The following FOXP1 variants were observed in gnomAD, a reference collection of about 807,000 sequenced individuals.
FOXP1 encodes the protein forkhead box P1, also known as forkhead box protein P1.
FOXP1 carries 15 observed loss-of-function variants against 98.2 expected under a neutral mutation model. The observed-to-expected ratio is 0.15, with a 90% CI of 0.10 to 0.24. FOXP1 has a LOEUF of 0.24. Among genes scored for constraint, FOXP1 ranks in the 10% least tolerant of loss-of-function variants. The probability of loss-of-function intolerance (pLI) is 1.00; values close to 1 mark genes in which losing one functional copy is unlikely to be tolerated. For missense variants in FOXP1, 633 were observed against 848.5 expected, an observed-to-expected ratio of 0.75 and a Z score of 3.15; for synonymous variants, 371 against 314.5, an observed-to-expected ratio of 1.18 and a Z score of -1.90.
intron 5 of FOXP1, among the ~76,000 whole-genome samples, chr3:71,291,495 G>A (rs557851635): frequency 6.6e-6 from 1 of 152,134 alleles, no homozygotes. Context: ...ACACTGGACA[G>A]GGGAGGTCAA....
intron 2 of FOXP1, among the ~76,000 whole-genome samples, chr3:71,567,431 A>C (rs545731564): frequency 6.6e-6 from 1 of 152,188 alleles, no homozygotes; most frequent in African/African-American, 2.4e-5. Context: ...TAATCAGTGC[A>C]TATTAAAGGA....
chr3:71,540,315 T>G (rs2044692992), intron 2 of FOXP1, among the ~76,000 whole-genome samples: 2 of 152,156 alleles, frequency 1.3e-5, no homozygotes, highest in African/African-American at 4.8e-5. Flanking sequence ...CAGACAATGA[T>G]GTAAACAACG....
intron 2 of FOXP1, among the ~76,000 whole-genome samples, chr3:71,506,615 C>T (rs2041843646): frequency 6.6e-6 from 1 of 152,168 alleles, no homozygotes; most frequent in African/African-American, 2.4e-5. Flanking sequence ...TCCAGATTTC[C>T]ACCTCCATTT....
intron 2 of FOXP1, among the ~76,000 whole-genome samples, chr3:71,504,638 C>T (rs1349493142): frequency 6.6e-6 from 1 of 152,052 alleles, no homozygotes; most frequent in Non-Finnish European, 1.5e-5. Flanking sequence ...AGGAAACGTG[C>T]ACATTCCAGG....
At chr3:71,486,673 C>T (rs1477945431) in intron 3 of FOXP1, among the ~76,000 whole-genome samples, 1 of 152,196 alleles carries the variant, frequency 6.6e-6, no homozygotes, top group Non-Finnish European at 1.5e-5. Context: ...TAATTGCTTA[C>T]TTTTCTTGAA....
chr3:71,052,692 C>T (rs942882310), intron 8 of FOXP1, 66 bp from the exon 9 acceptor site: 1 of 850,624 alleles, frequency 1.2e-6, no homozygotes, highest in Non-Finnish European at 2.1e-6. Flanking sequence ...CTTTTGGTGC[C>T]ATACACAAAC....
At chr3:71,341,262 C>T (rs1328613800) in intron 4 of FOXP1, among the ~76,000 whole-genome samples, 1 of 152,008 alleles carries the variant, frequency 6.6e-6, no homozygotes, top group African/African-American at 2.4e-5. Flanking sequence ...GTATGTTATC[C>T]AATTACAAAG....
Position 71,389,254 on chromosome 3 carries a change from C to CGGGGGGGGGGGG in FOXP1, c.-167-30011_-167-30010insCCCCCCCCCCCC, listed in dbSNP as rs1560413261. ...TGTAAGCGGCGGGGGGGGGGGGGGC[C>CGGGGGGGGGGGG]GGGGGGGGCGGGTTATAAATTTCAC... On this transcript the variant is annotated intron_variant, in intron 3 of 20. Coordinates refer to ENST00000649528, the MANE Select transcript of FOXP1 (RefSeq NM_001349338.3). Among the ~76,000 whole-genome samples, 4 of 6,062 alleles carry CGGGGGGGGGGGG rather than the reference C, an allele frequency of 6.6e-4. 2 individuals are homozygous for CGGGGGGGGGGGG. Among genetic ancestry groups the CGGGGGGGGGGGG allele is most frequent in the African/African-American group, 1.0e-3 (2 of 1,938 alleles). 4.0% of individuals were successfully genotyped at this position (6,062 alleles called of 152,430 possible).
At chr3:70,973,312 T>A (rs1267089786) in intron 17 of FOXP1, among the ~76,000 whole-genome samples, 3 of 132,900 alleles carry the variant, frequency 2.3e-5, no homozygotes, top group African/African-American at 8.7e-5. Flanking sequence ...AATATGAGAG[T>A]TGGCCCTAAC....
intron 6 of FOXP1, among the ~76,000 whole-genome samples, chr3:71,191,532 T>G (rs766984844): frequency 3.4e-4 from 52 of 152,224 alleles, no homozygotes; most frequent in Non-Finnish European, 6.2e-4. Flanking sequence ...TTGCTTCTTG[T>G]GCCATTTTAA....
At position 71,437,914 on chromosome 3, in the gene FOXP1, T is replaced by C. The variant is rs59099984; in HGVS notation, c.-168+55512A>G. ...GGTTCCAGGAGGTGAAGAAAAGCTG[T>C]GTACACGAAATTGAGTCAAAGAGAG... On this transcript the variant is annotated intron_variant, in intron 3 of 20. Coordinates refer to ENST00000649528, the MANE Select transcript of FOXP1 (RefSeq NM_001349338.3). Among the ~76,000 whole-genome samples, 1,040 of 152,258 alleles carry C rather than the reference T, an allele frequency of 6.8e-3. 15 individuals are homozygous for C. Among genetic ancestry groups the C allele is most frequent in the African/African-American group, 0.024 (983 of 41,530 alleles).
intron 11 of FOXP1, among the ~76,000 whole-genome samples, chr3:71,017,441 A>G (rs2092294347): frequency 6.6e-6 from 1 of 151,880 alleles, no homozygotes; most frequent in Non-Finnish European, 1.5e-5. Context: ...TTTTATTAAG[A>G]TTTAACTATT....
intron 4 of FOXP1, among the ~76,000 whole-genome samples, chr3:71,321,121 C>CAAAAAAAAAA (rs11293559): frequency 3.1e-3 from 377 of 121,904 alleles, no homozygotes; most frequent in Non-Finnish European, 3.8e-3. Context: ...TAGACTGTAC[C>CAAAAAAAAAA]AAAAAAAAAA....
At chr3:71,294,218 C>G (rs1244463323) in intron 5 of FOXP1, among the ~76,000 whole-genome samples, 1 of 152,172 alleles carries the variant, frequency 6.6e-6, no homozygotes, top group Non-Finnish European at 1.5e-5. Flanking sequence ...ACATTAAGAA[C>G]TATTGAAAAG....
At chr3:71,111,104 T>C (rs2057883324) in intron 7 of FOXP1, among the ~76,000 whole-genome samples, 1 of 152,214 alleles carries the variant, frequency 6.6e-6, no homozygotes, top group Non-Finnish European at 1.5e-5. Context: ...GGGGATAATC[T>C]GGGAACAGGC....
intron 4 of FOXP1, among the ~76,000 whole-genome samples, chr3:71,349,321 A>T (rs544611881): frequency 6.6e-6 from 1 of 152,358 alleles, no homozygotes; most frequent in Non-Finnish European, 1.5e-5. Context: ...CATCATTTTA[A>T]CATAACGCAC....
intron 3 of FOXP1, among the ~76,000 whole-genome samples, chr3:71,472,399 G>T (rs2089443522): frequency 6.6e-6 from 1 of 151,354 alleles, no homozygotes; most frequent in Non-Finnish European, 1.5e-5. Flanking sequence ...GGTCCGAGAG[G>T]ATTCAGTAGA....
intron 7 of FOXP1, among the ~76,000 whole-genome samples, chr3:71,092,207 C>CA (rs200123967): frequency 5.4e-4 from 78 of 145,766 alleles, no homozygotes; most frequent in East Asian, 8.1e-4. Context: ...AAACAAAAAA[C>CA]AAAAAAAAAC....
intron 14 of FOXP1, among the ~76,000 whole-genome samples, chr3:70,983,153 TTTCCTTTACC>T (rs1234283730): frequency 1.3e-5 from 2 of 152,076 alleles, no homozygotes; most frequent in Admixed American, 6.5e-5. Context: ...TTTCCTTTCC[TTTCCTTTACC>T]ATCTCAGCCT....
Sources: allele counts gnomAD v4.1 joint callset (sites outside exome capture counted in the v4.1 genomes callset), GRCh38; gene constraint gnomAD v4.1.1; transcripts MANE v1.5; gene names NCBI Gene and HGNC (gene_info 2026-07-23, HGNC 2026-07-21).